PDE9A: variants seen among roughly 807,000 people sequenced by gnomAD.
PDE9A encodes high affinity cGMP-specific 3',5'-cyclic phosphodiesterase 9A.
A neutral mutation model predicts 87.4 loss-of-function variants in PDE9A; 60 were observed. That is an observed-to-expected ratio of 0.69 (90% CI 0.56 to 0.85). PDE9A has a LOEUF of 0.85. Among genes scored for constraint, PDE9A ranks in the 40% least tolerant of loss-of-function variants. The pLI is 0.00. For missense variants in PDE9A, 665 were observed against 779.0 expected (o/e 0.85, Z 1.74); for synonymous variants, 272 against 279.4 (o/e 0.97, Z 0.27).
At position 42,739,501 on chromosome 21, in the gene PDE9A, C is replaced by T. The variant is rs943092713; in HGVS notation, c.569-4275C>T. ...CTCCTCCTGCAGACCTCCCCGCCAG[C>T]CCCGTCATTTCATGGCATCTTGCTT... On this transcript the variant is annotated intron_variant, in intron 7 of 19. Coordinates refer to ENST00000291539, the MANE Select transcript of PDE9A (RefSeq NM_002606.3). The surrounding 1 kb of genome is among the most constrained non-coding windows in gnomAD (Gnocchi z 4.1). Among the ~76,000 whole-genome samples the T allele has an allele frequency of 2.0e-5, 3 of 152,240 alleles. No homozygotes were observed. Among genetic ancestry groups the T allele is most frequent in the African/African-American group, 4.8e-5 (2 of 41,468 alleles).
intron 2 of PDE9A, 102 bp downstream of exon 2, chr21:42,686,364 A>G: frequency 1.1e-6 from 1 of 891,416 alleles, no homozygotes; most frequent in South Asian, 1.4e-5. Context: ...GGCCCGAGGC[A>G]CCGGCCTTCT....
At chr21:42,748,381 G>A (rs1427004576) in intron 8 of PDE9A, among the ~76,000 whole-genome samples, 3 of 152,160 alleles carry the variant, frequency 2.0e-5, no homozygotes, top group South Asian at 2.1e-4. Context: ...ATCAAACTGT[G>A]GTAGCAACTC....
intron 3 of PDE9A, chr21:42,697,397 C>T: frequency 1.3e-6 from 2 of 1,565,688 alleles, no homozygotes; most frequent in Non-Finnish European, 1.8e-6. Flanking sequence ...TCCATATTCA[C>T]TGTGTTTCTT....
Position 42,688,012 on chromosome 21 carries a change from C to T in PDE9A, c.218+18C>T, listed in dbSNP as rs774279950. ...TCAGAACGGTAAGAGGCTCCGGCCG[C>T]GCTCCTCGGGGTGTGCCTGGCACTT... On this transcript the variant is annotated intron_variant, in intron 3 of 19. Coordinates refer to ENST00000291539, the MANE Select transcript of PDE9A (RefSeq NM_002606.3). 1.4e-5 allele frequency: 22 copies of T among 1,604,742 alleles called. No homozygotes were observed. Among genetic ancestry groups the T allele is most frequent in the Non-Finnish European group, 1.7e-5 (20 of 1,174,522 alleles).
intron 1 of PDE9A, among the ~76,000 whole-genome samples, chr21:42,654,238 G>A (rs1310618384): frequency 6.6e-6 from 1 of 152,194 alleles, no homozygotes; most frequent in African/African-American, 2.4e-5. Flanking sequence ...GTCCGCGGAG[G>A]GGGCGAGCAG....
chr21:42,663,388 G>A (rs1022799217), intron 1 of PDE9A, among the ~76,000 whole-genome samples: 1 of 152,202 alleles, frequency 6.6e-6, no homozygotes, highest in Non-Finnish European at 1.5e-5. Flanking sequence ...AGAGCCCCTG[G>A]GGGTTTCAGG....
intron 1 of PDE9A, among the ~76,000 whole-genome samples, chr21:42,658,056 G>A (rs529486653): frequency 6.6e-5 from 10 of 152,346 alleles, no homozygotes; most frequent in South Asian, 2.1e-4. Flanking sequence ...CCGTGGCTAC[G>A]CCACACCTAC....
intron 1 of PDE9A, among the ~76,000 whole-genome samples, chr21:42,655,555 C>CG (rs1359666462): frequency 6.6e-6 from 1 of 152,114 alleles, no homozygotes; most frequent in Non-Finnish European, 1.5e-5. Context: ...GGCACCTTTG[C>CG]GGGGGAGAGG....
intron 14 of PDE9A, among the ~76,000 whole-genome samples, chr21:42,762,683 C>T (rs1312102951): frequency 6.6e-6 from 1 of 152,126 alleles, no homozygotes; most frequent in African/African-American, 2.4e-5. Context: ...AGTCAGCCCC[C>T]TTCCTTTTAT....
At chr21:42,689,616 G>A (rs1490975564) in intron 3 of PDE9A, 1 of 985,470 alleles carries the variant, frequency 1.0e-6, no homozygotes, top group Non-Finnish European at 1.2e-6. Context: ...ACAGCGTGCA[G>A]AGACATTTAA....
chr21:42,696,653 T>C lies in PDE9A; in HGVS notation c.219-2315T>C, dbSNP rs2060156360. 6.6e-6 allele frequency among the ~76,000 whole-genome samples: 1 copy of C among 152,014 alleles called. No individual in the cohort carries two copies. The highest frequency in any genetic ancestry group is 1.5e-5 in the Non-Finnish European group (1 of 67,986). ...CACCCGGCTTCTCTGCTGCCCACCC[T>C]CCACTCTGTCCTCCCAGCCCAGGCC... On this transcript the variant is annotated intron_variant, in intron 3 of 19. Transcript: ENST00000291539. The surrounding 1 kb of genome is among the most constrained non-coding windows in gnomAD (Gnocchi z 5.1).
intron 8 of PDE9A, among the ~76,000 whole-genome samples, chr21:42,748,015 G>A (rs965480101): frequency 1.2e-4 from 18 of 152,178 alleles, no homozygotes; most frequent in Admixed American, 1.3e-4. Context: ...CAGGGTCAGC[G>A]GGCCCCAGCA....
intron 2 of PDE9A, among the ~76,000 whole-genome samples, chr21:42,686,488 G>T (rs541397806): frequency 6.6e-6 from 1 of 152,216 alleles, no homozygotes; most frequent in Non-Finnish European, 1.5e-5. Context: ...GGAAACCGTC[G>T]GGCTGAATTA....
chr21:42,726,606 A>ATTTTT, intron 4 of PDE9A, among the ~76,000 whole-genome samples: 1 of 20,364 alleles, frequency 4.9e-5, no homozygotes, highest in Non-Finnish European at 8.2e-5. Context: ...ATATATATAT[A>ATTTTT]TATATATATA....
intron 1 of PDE9A, among the ~76,000 whole-genome samples, chr21:42,658,301 G>A (rs946972227): frequency 2.0e-4 from 30 of 152,342 alleles, no homozygotes; most frequent in African/African-American, 7.0e-4. Flanking sequence ...CTGTGGTCCT[G>A]GCCCAAGGGA....
At chr21:42,771,996 G>A (rs770084067) in intron 18 of PDE9A, among the ~76,000 whole-genome samples, 5 of 152,106 alleles carry the variant, frequency 3.3e-5, no homozygotes, top group East Asian at 1.9e-4. Context: ...TGCCTCTCTC[G>A]TGGGCCCTCC....
chr21:42,763,460 A>T (rs2056033808), intron 14 of PDE9A, among the ~76,000 whole-genome samples: 1 of 152,206 alleles, frequency 6.6e-6, no homozygotes, highest in African/African-American at 2.4e-5. Flanking sequence ...TGAGTGATGC[A>T]GCCCCAAACT....
chr21:42,679,997 G>A (rs1486944922), intron 1 of PDE9A, among the ~76,000 whole-genome samples: 3 of 152,208 alleles, frequency 2.0e-5, no homozygotes, highest in Non-Finnish European at 4.4e-5. Flanking sequence ...AGAGACTGTC[G>A]TAAGGAGGCT....
intron 1 of PDE9A, among the ~76,000 whole-genome samples, chr21:42,682,005 C>G (rs1295589070): frequency 6.6e-6 from 1 of 152,238 alleles, no homozygotes; most frequent in Admixed American, 6.5e-5. Context: ...AGGCTGGGTG[C>G]TTCTGACACC....
Sources: gnomAD v4.1 joint callset for allele counts (sites outside exome capture counted in the v4.1 genomes callset) on GRCh38, gnomAD v4.1.1 for gene constraint, Gnocchi (gnomAD v3.1) non-coding constraint, MANE v1.5 for transcripts, NCBI Gene and HGNC (gene_info 2026-07-23, HGNC 2026-07-21) for gene names.